Variants in THRA observed in about 807,000 individuals in gnomAD.
The protein encoded by THRA is thyroid hormone receptor alpha, also known as EAR-7.
Under a neutral mutation model 45.0 loss-of-function variants are expected in THRA, and 13 were observed. The ratio of observed to expected loss-of-function variants is 0.29; its 90% CI spans 0.19 to 0.46. THRA has a LOEUF of 0.46. THRA is among the 20% of genes least tolerant of loss of function. The pLI is 1.00. For missense variants in THRA, 278 were observed against 556.1 expected (o/e 0.50, Z 5.03); for synonymous variants, 195 against 214.0 (o/e 0.91, Z 0.78).
chr17:40,077,136 G>A (rs1001924544), intron 3 of THRA, among the ~76,000 whole-genome samples, 198 bp downstream of exon 3: 12 of 152,124 alleles, frequency 7.9e-5, no homozygotes, highest in Non-Finnish European at 1.6e-4. Context: ...ATTAGGTCAG[G>A]ACGGCCTCTT....
intron 5 of THRA, chr17:40,084,289 A>G (rs1326303429): frequency 4.1e-6 from 2 of 493,708 alleles, no homozygotes; most frequent in African/African-American, 1.9e-5. Flanking sequence ...CAGCGAAGGC[A>G]CCCCACTTCT....
chr17:40,079,335 C>T (rs1444915378), intron 4 of THRA, among the ~76,000 whole-genome samples: 1 of 152,140 alleles, frequency 6.6e-6, no homozygotes, highest in Non-Finnish European at 1.5e-5. Context: ...CAACCTCCAC[C>T]TCTCGGGTTC....
chr17:40,083,962 C>T lies in THRA; in HGVS notation c.350C>T (p.Ala117Val). Residue 117 changes from alanine to valine, a missense_variant, in exon 5 of 9, where the codon GCC (alanine) becomes GTC (valine). Physicochemically the swap from Ala to Val is moderately conservative, Grantham distance 64. Coordinates refer to ENST00000450525, the MANE Select transcript of THRA (RefSeq NM_199334.5). ...CTGTGCCGCTTCAAGAAGTGCATCG[C>T]CGTGGGCATGGCCATGGACTGTAAG... ...CQLCRFKKCI[A>V]VGMAMDLVLD... 5 of 1,613,582 alleles carry T rather than the reference C, an allele frequency of 3.1e-6. No homozygotes were observed. The highest frequency in any genetic ancestry group is 3.4e-6 in the Non-Finnish European group (4 of 1,179,686).
At chr17:40,070,505 G>A (rs542300076) in intron 1 of THRA, among the ~76,000 whole-genome samples, 39 of 152,324 alleles carry the variant, frequency 2.6e-4, no homozygotes, top group Admixed American at 1.4e-3. Context: ...GGCCCTTGGT[G>A]TGGGTGGCTG....
rs1987609394 is a variant in THRA, at chr17:40,092,398, GCCAGAAA to G, written c.*2944_*2950del. The stretch of plus-strand genomic sequence containing the variant: ...CTGGGCTGGGGGGAGGGGGGTTGTG[GCCAGAAA>G]CAGGGAAGGAGGTAGGTCTCTTCCC... On this transcript the variant is annotated 3_prime_UTR_variant, in exon 9 of 9. Coordinates refer to ENST00000450525, the MANE Select transcript of THRA (RefSeq NM_199334.5). 3.3e-5 allele frequency: 5 copies of G among 152,198 alleles called. No homozygotes were observed. The highest frequency in any genetic ancestry group is 1.5e-5 in the Non-Finnish European group (1 of 68,268). 9.4% of individuals were successfully genotyped at this position (152,198 alleles called of 1,614,324 possible). A position where few individuals can be genotyped will look rare whatever the true frequency, so the allele number is the denominator to read the frequency against.
In THRA at chr17:40,092,906, G is replaced by C; in HGVS notation, c.*3450G>C. 3 of 1,438,290 alleles carry C rather than the reference G, an allele frequency of 2.1e-6. No individual in the cohort carries two copies. The highest frequency in any genetic ancestry group is 2.8e-6 in the Non-Finnish European group (3 of 1,078,208). 89.1% of individuals were successfully genotyped at this position (1,438,290 alleles called of 1,614,324 possible). A position where few individuals can be genotyped will look rare whatever the true frequency, so the allele number is the denominator to read the frequency against. The stretch of plus-strand genomic sequence containing the variant: ...GGGGAGGAGGGGAAGTTCGGTGATG[G>C]GGGAGGGAGGCAGGTATTTACAAGA... On this transcript the variant is annotated 3_prime_UTR_variant, in exon 9 of 9. Coordinates refer to ENST00000450525, the MANE Select transcript of THRA (RefSeq NM_199334.5).
intron 4 of THRA, among the ~76,000 whole-genome samples, chr17:40,080,093 G>T (rs1250383872): frequency 6.7e-6 from 1 of 150,052 alleles, no homozygotes; most frequent in Non-Finnish European, 1.5e-5. Flanking sequence ...AAAAAAAAAA[G>T]AAACAGAATG....
At chr17:40,078,304 G>A (rs1987021189) in intron 4 of THRA, among the ~76,000 whole-genome samples, 1 of 152,128 alleles carries the variant, frequency 6.6e-6, no homozygotes, top group South Asian at 2.1e-4. Context: ...CTAACACAGT[G>A]AGACACTGTC....
At chr17:40,068,739 C>A (rs1193142146) in intron 1 of THRA, among the ~76,000 whole-genome samples, 1 of 152,194 alleles carries the variant, frequency 6.6e-6, no homozygotes, top group African/African-American at 2.4e-5. Flanking sequence ...CCACCTCCTC[C>A]TCCTCCTCTT....
At chr17:40,080,386 C>T (rs7211658) in intron 4 of THRA, among the ~76,000 whole-genome samples, 7,379 of 148,534 alleles carry the variant, frequency 0.05, 631 homozygotes, top group African/African-American at 0.17. Context: ...GCCTGGGCGA[C>T]AGAACAAGAC....
chr17:40,072,808 T>G (rs1332674526), intron 1 of THRA, among the ~76,000 whole-genome samples: 1 of 151,836 alleles, frequency 6.6e-6, no homozygotes, highest in Non-Finnish European at 1.5e-5. Flanking sequence ...CCATTATAAA[T>G]TTATAACAGG....
rs1251337875 is a variant in THRA at position 40,084,662 on chromosome 17, C to T, written c.423C>T (p.Asn141=). ...CCAAGCGTAAGCTGATTGAGCAGAA[C>T]CGGGAGCGGCGGCGGAAGGAGGAGA... ...RVAKRKLIEQ[N]RERRRKEEMI... Residue 141 remains asparagine (N), a synonymous_variant, in exon 6 of 9, where the codon AAC becomes AAT. Coordinates refer to ENST00000450525, the MANE Select transcript of THRA (RefSeq NM_199334.5). The T allele has an allele frequency of 6.2e-7, 1 of 1,614,064 alleles. No individual in the cohort carries two copies. The highest frequency in any genetic ancestry group is 1.1e-5 in the South Asian group (1 of 91,082).
chr17:40,064,584 A>G (rs1247787700), intron 1 of THRA, among the ~76,000 whole-genome samples: 4 of 152,228 alleles, frequency 2.6e-5, no homozygotes, highest in Non-Finnish European at 5.9e-5. Context: ...GCTCCCAAGA[A>G]TATTAAATTT....
chr17:40,075,920 CTG>C (rs1986938101), intron 2 of THRA, among the ~76,000 whole-genome samples: 1 of 152,216 alleles, frequency 6.6e-6, no homozygotes, highest in South Asian at 2.1e-4. Context: ...GCCAAGGTCA[CTG>C]TGTCAGTGTG....
At chr17:40,063,276 G>C (rs897012524) in intron 1 of THRA, among the ~76,000 whole-genome samples, 184 bp downstream of exon 1, 1 of 152,196 alleles carries the variant, frequency 6.6e-6, no homozygotes, top group African/African-American at 2.4e-5. Flanking sequence ...TGCAACTGAC[G>C]CCCTGGGGAA....
In THRA at chr17:40,091,217, C is replaced by T. The variant is rs959178467; in HGVS notation, c.*1761C>T. On this transcript the variant is annotated 3_prime_UTR_variant, in exon 9 of 9. Coordinates refer to ENST00000450525, the MANE Select transcript of THRA (RefSeq NM_199334.5). ...CTGCCACCCCACCCTGACCCTCAGC[C>T]TGCCACAGCCCCCTACACACACACA... is the stretch of plus-strand genomic sequence containing the variant. The T allele has an allele frequency of 1.3e-5, 2 of 152,834 alleles. No homozygotes were observed. The highest frequency in any genetic ancestry group is 4.9e-5 in the African/African-American group (2 of 40,532). 9.5% of individuals were successfully genotyped at this position (152,834 alleles called of 1,614,324 possible).
chr17:40,077,654 T>C lies in THRA; in HGVS notation c.222+46T>C, dbSNP rs546913851. The stretch of plus-strand genomic sequence containing the variant: ...CCCTCCCCTGCCACCTGAGCCCCCA[T>C]ATTACTCCCTATGTCACCTAAAGCC... On this transcript the variant is annotated intron_variant, in intron 4 of 8. Coordinates refer to ENST00000450525, the MANE Select transcript of THRA (RefSeq NM_199334.5). 3.2e-5 allele frequency: 48 copies of C among 1,490,640 alleles called. 1 individual carries two copies. In the South Asian group the frequency reaches 3.5e-4, roughly 11 times the overall value. 92.3% of individuals were successfully genotyped at this position (1,490,640 alleles called of 1,614,324 possible). A position where few individuals can be genotyped will look rare whatever the true frequency, so the allele number is the denominator to read the frequency against.
chr17:40,083,226 C>T (rs1987209327), intron 4 of THRA, among the ~76,000 whole-genome samples: 1 of 148,548 alleles, frequency 6.7e-6, no homozygotes, highest in African/African-American at 2.5e-5. Flanking sequence ...CGCGCCCGGC[C>T]TACGCCCAAT....
chr17:40,083,812 C>G, intron 4 of THRA, 23 bp from the exon 5 acceptor site: 1 of 1,580,636 alleles, frequency 6.3e-7, no homozygotes, highest in Non-Finnish European at 8.6e-7. Context: ...TGATCACAGC[C>G]TGCTCCATCT....
Sources: gnomAD v4.1 joint callset for allele counts (sites outside exome capture counted in the v4.1 genomes callset) on GRCh38, gnomAD v4.1.1 for gene constraint, MANE v1.5 for transcripts, NCBI Gene and HGNC (gene_info 2026-07-23, HGNC 2026-07-21) for gene names.